The following PTPRG variants were observed in gnomAD, a reference collection of about 807,000 sequenced individuals.
PTPRG encodes receptor-type tyrosine-protein phosphatase gamma.
Under a neutral mutation model 165.3 loss-of-function variants are expected in PTPRG, and 102 were observed. The ratio of observed to expected loss-of-function variants is 0.62; its 90% CI spans 0.53 to 0.73. The LOEUF is 0.73. Among genes scored for constraint, PTPRG ranks in the 30% least tolerant of loss-of-function variants. The probability of loss-of-function intolerance (pLI) is 0.00; values close to 1 mark genes in which losing one functional copy is unlikely to be tolerated. For synonymous variants in PTPRG, 675 were observed against 669.5 expected (o/e 1.01, Z -0.13); for missense variants, 1,866 against 1,861.4 (o/e 1.00, Z -0.05).
rs529439194 is a variant in PTPRG, at chr3:62,292,552, A to T, written c.4187A>T (p.Asp1396Val). Residue 1396 changes from aspartate (D) to valine (V), a missense_variant, in exon 29 of 30, where the codon GAC becomes GTC. Asp to Val is a radical substitution (Grantham distance 152). This residue lies in a region of PTPRG where 1,452 missense variants were observed against 1,463.0 expected (regional missense o/e 0.99). Transcript: ENST00000474889. ...INLMRPGVFT[D>V]IEQYQFIYKA... ...CTTATGAGGCCTGGAGTATTCACAG[A>T]CATTGTAAGTAGTTTGCTTATGTGT... 1 of 1,613,084 alleles carries T rather than the reference A, an allele frequency of 6.2e-7. No homozygotes were observed. Among genetic ancestry groups the T allele is most frequent in the Non-Finnish European group, 8.5e-7 (1 of 1,179,476 alleles).
chr3:62,082,795 G>T (rs1011060635), intron 5 of PTPRG, among the ~76,000 whole-genome samples: 4 of 152,190 alleles, frequency 2.6e-5, no homozygotes, highest in African/African-American at 7.2e-5. Flanking sequence ...TGTGGAAGAC[G>T]GTGAATCAGG....
chr3:61,885,269 C>G (rs1014994152), intron 2 of PTPRG, among the ~76,000 whole-genome samples: 2 of 152,108 alleles, frequency 1.3e-5, no homozygotes, highest in Non-Finnish European at 2.9e-5. Context: ...GATCTCTATT[C>G]TGCTGTTTGT....
At chr3:62,040,799 G>A (rs908192240) in intron 4 of PTPRG, among the ~76,000 whole-genome samples, 1 of 152,182 alleles carries the variant, frequency 6.6e-6, no homozygotes, top group Non-Finnish European at 1.5e-5. Flanking sequence ...GTCAGAGCCT[G>A]GTCAGGGACA....
At chr3:62,193,374 T>C (rs773762272) in intron 9 of PTPRG, among the ~76,000 whole-genome samples, 1 of 152,228 alleles carries the variant, frequency 6.6e-6, no homozygotes, top group Admixed American at 6.5e-5. Context: ...AAGAGAGATG[T>C]AGAGAAAAAC....
intron 2 of PTPRG, among the ~76,000 whole-genome samples, chr3:61,936,587 G>C (rs2039490757): frequency 6.6e-6 from 1 of 152,172 alleles, no homozygotes; most frequent in African/African-American, 2.4e-5. Flanking sequence ...ACAGATGAGG[G>C]CCAGAGCAAG....
intron 1 of PTPRG, among the ~76,000 whole-genome samples, chr3:61,571,100 A>G (rs1559507549): frequency 6.6e-6 from 1 of 152,154 alleles, no homozygotes; most frequent in Admixed American, 6.5e-5. Context: ...TAATTATAAT[A>G]GCCTACGCTT....
intron 2 of PTPRG, among the ~76,000 whole-genome samples, chr3:61,972,737 T>G (rs2040412984): frequency 6.6e-6 from 1 of 151,604 alleles, no homozygotes; most frequent in Non-Finnish European, 1.5e-5. Context: ...ACTGCAGCCT[T>G]GATCTCCCGG....
rs542204272 is a variant in PTPRG, at chr3:61,768,940, A to G, written c.190+19958A>G. Among the ~76,000 whole-genome samples the G allele has an allele frequency of 2.6e-5, 4 of 152,316 alleles. No individual in the cohort carries two copies. In the South Asian group the frequency reaches 8.3e-4, roughly 32 times the overall value. On this transcript the variant is annotated intron_variant, in intron 2 of 29. Coordinates refer to ENST00000474889, the MANE Select transcript of PTPRG (RefSeq NM_002841.4). Reference sequence around the variant, plus strand: ...TTTCAGTCTGAAAGATGAGTTCCACATGATTCACACACCTCCTATGAAGTA... The same window carrying G: ...TTTCAGTCTGAAAGATGAGTTCCACGTGATTCACACACCTCCTATGAAGTA...
Position 61,562,294 on chromosome 3 carries a change from A to T in PTPRG, c.7A>T (p.Arg3Trp), listed in dbSNP as rs753513295. Reference sequence around the variant, plus strand: ...TCGATGTGCGTTTTCGGACATGCGGAGGTTACTGGAACCGTGTTGGTGGAT... The same window carrying T: ...TCGATGTGCGTTTTCGGACATGCGGTGGTTACTGGAACCGTGTTGGTGGAT... Reference protein sequence around the residue: MRRLLEPCWWILF... With the variant: MRWLLEPCWWILF... Residue 3 changes from arginine to tryptophan, a missense_variant, in exon 1 of 30, where the codon AGG (arginine) becomes TGG (tryptophan). By Grantham distance (101) the Arg-to-Trp change is moderately radical (BLOSUM62 -3). Around this residue, in one of 3 missense-constraint regions of PTPRG, gnomAD observed 408 missense variants for 376.2 expected, o/e 1.08. Coordinates refer to ENST00000474889, the MANE Select transcript of PTPRG (RefSeq NM_002841.4). 5.0e-6 allele frequency: 8 copies of T among 1,613,450 alleles called. No homozygotes were observed. The East Asian group carries it at 1.8e-4, about 36-fold the overall frequency.
chr3:61,579,244 G>T (rs1165060901), intron 1 of PTPRG, among the ~76,000 whole-genome samples: 4 of 152,180 alleles, frequency 2.6e-5, no homozygotes, highest in Non-Finnish European at 5.9e-5. Context: ...AGGGAGTGCT[G>T]TGATCACCTG....
At chr3:62,270,391 T>C (rs927515897) in intron 20 of PTPRG, among the ~76,000 whole-genome samples, 2 of 152,154 alleles carry the variant, frequency 1.3e-5, no homozygotes, top group African/African-American at 2.4e-5. Context: ...ATCAGTAGCA[T>C]AGCAATACAT....
At chr3:61,608,399 G>A (rs898940834) in intron 1 of PTPRG, among the ~76,000 whole-genome samples, 1 of 152,178 alleles carries the variant, frequency 6.6e-6, no homozygotes, top group Non-Finnish European at 1.5e-5. Flanking sequence ...CACCACGTGT[G>A]TAATGGAATT....
At chr3:62,155,742 T>C (rs987872888) in intron 6 of PTPRG, among the ~76,000 whole-genome samples, 5 of 152,194 alleles carry the variant, frequency 3.3e-5, no homozygotes, top group Admixed American at 2.0e-4. Flanking sequence ...TACACAGACT[T>C]CTCGAGTCTG....
intron 4 of PTPRG, among the ~76,000 whole-genome samples, chr3:62,050,249 T>A (rs1700429036): frequency 6.6e-6 from 1 of 152,240 alleles, no homozygotes; most frequent in South Asian, 2.1e-4. Context: ...TTCAGAAGAT[T>A]ATATTACTGT....
At chr3:61,675,164 C>T (rs1355634707) in intron 1 of PTPRG, among the ~76,000 whole-genome samples, 1 of 152,118 alleles carries the variant, frequency 6.6e-6, no homozygotes, top group Non-Finnish European at 1.5e-5. Flanking sequence ...GTATAGCAAG[C>T]AATATTCTTT....
chr3:62,103,254 T>TGTGCATTGTTCTAGGACAAAGTCCATTAA (rs71287113), intron 5 of PTPRG, among the ~76,000 whole-genome samples: 20,384 of 151,594 alleles, frequency 0.13, 1,531 homozygotes, highest in African/African-American at 0.2. Context: ...AAGCCTGTCT[T>TGTGCATTGTTCTAGGACAAAGTCCATTAA]GTGCATTGTT....
At chr3:61,781,890 G>A (rs1363040654) in intron 2 of PTPRG, among the ~76,000 whole-genome samples, 1 of 133,774 alleles carries the variant, frequency 7.5e-6, no homozygotes, top group Admixed American at 7.6e-5. Context: ...ACCATGCCCA[G>A]TTTTTTTTTT....
At chr3:62,084,541 G>A (rs1411639664) in intron 5 of PTPRG, among the ~76,000 whole-genome samples, 1 of 152,136 alleles carries the variant, frequency 6.6e-6, no homozygotes. Context: ...TATCATGTCG[G>A]TGTTACAGAC....
intron 2 of PTPRG, among the ~76,000 whole-genome samples, chr3:61,959,833 C>G (rs906376490): frequency 9.2e-5 from 14 of 152,154 alleles, no homozygotes; most frequent in Non-Finnish European, 1.3e-4. Flanking sequence ...CCACTAAAGC[C>G]CAGTGTCATT....
Sources: gnomAD v4.1 joint callset for allele counts (sites outside exome capture counted in the v4.1 genomes callset) on GRCh38, gnomAD v4.1.1 for gene constraint, gnomAD v4.1.1 regional missense constraint, MANE v1.5 for transcripts, NCBI Gene and HGNC (gene_info 2026-07-23, HGNC 2026-07-21) for gene names.